The following KHDRBS2 variants were observed in gnomAD, a reference collection of about 807,000 sequenced individuals.
KHDRBS2 encodes the protein KH RNA binding domain containing, signal transduction associated 2.
KHDRBS2 carries 26 observed loss-of-function variants against 44.3 expected under a neutral mutation model. The observed-to-expected ratio is 0.59, with a 90% CI of 0.43 to 0.81. The LOEUF (loss-of-function observed/expected upper bound fraction) is 0.81. KHDRBS2 is among the 40% of genes least tolerant of loss of function. KHDRBS2 has a pLI of 0.00. For synonymous variants in KHDRBS2, 194 were observed against 151.1 expected, an observed-to-expected ratio of 1.28 and a Z score of -2.08; for missense variants, 476 against 433.1, an observed-to-expected ratio of 1.10 and a Z score of -0.88.
chr6:62,255,644 A>G, intron 1 of KHDRBS2, among the ~76,000 whole-genome samples: 1 of 132,316 alleles, frequency 7.6e-6, no homozygotes, highest in Non-Finnish European at 1.8e-5. Flanking sequence ...ACACACACAC[A>G]CACACACACA....
intron 2 of KHDRBS2, among the ~76,000 whole-genome samples, chr6:62,118,990 T>C (rs1806961947): frequency 1.3e-5 from 2 of 152,180 alleles, no homozygotes; most frequent in Non-Finnish European, 2.9e-5. Flanking sequence ...CTTCCCTTCA[T>C]AGATCCATCT....
chr6:61,625,072 G>T, the KHDRBS2 span, among the ~76,000 whole-genome samples: 2 of 152,022 alleles, frequency 1.3e-5, no homozygotes, highest in East Asian at 1.9e-4. Context: ...AGAGAGGTAT[G>T]CGTGTGGAAT....
intron 6 of KHDRBS2, among the ~76,000 whole-genome samples, chr6:61,848,389 T>A (rs1794725059): frequency 6.9e-6 from 1 of 144,466 alleles, no homozygotes; most frequent in Non-Finnish European, 1.5e-5. Flanking sequence ...TGTCCAACAC[T>A]AAGATGTATA....
intron 4 of KHDRBS2, among the ~76,000 whole-genome samples, chr6:61,962,159 T>A (rs1196848337): frequency 6.6e-6 from 1 of 151,988 alleles, no homozygotes. Flanking sequence ...GCTGAGTGGG[T>A]TTATAATCTC....
intron 3 of KHDRBS2, among the ~76,000 whole-genome samples, chr6:61,996,020 A>G (rs1777098934): frequency 6.6e-6 from 1 of 152,192 alleles, no homozygotes; most frequent in Non-Finnish European, 1.5e-5. Flanking sequence ...AACACTGGTG[A>G]AAAAGGAAAA....
chr6:62,240,648 GTA>G (rs1260151833), intron 1 of KHDRBS2, among the ~76,000 whole-genome samples: 8 of 91,892 alleles, frequency 8.7e-5, no homozygotes, highest in Admixed American at 3.2e-4. Context: ...ATGTGTGTGT[GTA>G]TGTGTGTATG....
intron 3 of KHDRBS2, among the ~76,000 whole-genome samples, chr6:62,039,470 A>T (rs1786014478): frequency 6.6e-6 from 1 of 152,000 alleles, no homozygotes; most frequent in Admixed American, 6.6e-5. Flanking sequence ...TTAATAGTAT[A>T]CAAATATATA....
chr6:61,862,759 AATG>A (rs1258266189), intron 6 of KHDRBS2, among the ~76,000 whole-genome samples: 6 of 152,162 alleles, frequency 3.9e-5, no homozygotes, highest in Non-Finnish European at 8.8e-5. Flanking sequence ...GATGTTCATC[AATG>A]ATATCGGTCT....
intron 4 of KHDRBS2, among the ~76,000 whole-genome samples, chr6:61,973,296 C>T (rs1771821101): frequency 1.3e-5 from 2 of 152,056 alleles, no homozygotes; most frequent in Admixed American, 6.6e-5. Flanking sequence ...AATTCTGCTT[C>T]CCTTTTCTAT....
intron 2 of KHDRBS2, among the ~76,000 whole-genome samples, chr6:62,176,745 G>C (rs150079751): frequency 6.6e-6 from 1 of 151,174 alleles, no homozygotes; most frequent in Non-Finnish European, 1.5e-5. Flanking sequence ...TATAATCTAA[G>C]AGTCTAATAA....
At position 62,121,666 on chromosome 6, in the gene KHDRBS2, G is replaced by A. The variant is rs1807678608; in HGVS notation, c.219+55519C>T. Among the ~76,000 whole-genome samples the A allele has an allele frequency of 2.0e-5, 3 of 152,294 alleles. No individual in the cohort carries two copies. In the South Asian group the frequency reaches 6.2e-4, roughly 32 times the overall value. On this transcript the variant is annotated intron_variant, in intron 2 of 8. Transcript: ENST00000281156. Reference sequence around the variant, plus strand: ...GCCTCAGGGGTATATCATCTCCCCGGCTTTGTGCCAGAATCTTGTTTGCAG... The same window carrying A: ...GCCTCAGGGGTATATCATCTCCCCGACTTTGTGCCAGAATCTTGTTTGCAG...
At chr6:61,935,071 G>T (rs1482551428) in intron 4 of KHDRBS2, among the ~76,000 whole-genome samples, 1 of 152,160 alleles carries the variant, frequency 6.6e-6, no homozygotes, top group Non-Finnish European at 1.5e-5. Context: ...TGTGGATGAA[G>T]GGGAGTCAAA....
intron 6 of KHDRBS2, 122 bp from the exon 7 acceptor site, chr6:61,732,886 T>C (rs1296037544): frequency 1.5e-6 from 1 of 645,866 alleles, no homozygotes; most frequent in African/African-American, 1.8e-5. Flanking sequence ...TAAGTATCCA[T>C]ATATCACATT....
intron 2 of KHDRBS2, among the ~76,000 whole-genome samples, chr6:62,099,147 C>A (rs1240032020): frequency 6.6e-6 from 1 of 152,038 alleles, no homozygotes; most frequent in Non-Finnish European, 1.5e-5. Flanking sequence ...GTATCCGGTA[C>A]CTTATTAGGT....
the KHDRBS2 span, among the ~76,000 whole-genome samples, chr6:61,565,438 G>T: frequency 6.6e-6 from 1 of 151,740 alleles, no homozygotes; most frequent in Non-Finnish European, 1.5e-5. Context: ...TAAAAACCAG[G>T]ATATAAAAGC....
chr6:62,100,098 C>CA (rs1269146420), intron 2 of KHDRBS2, among the ~76,000 whole-genome samples: 3 of 152,000 alleles, frequency 2.0e-5, no homozygotes, highest in Non-Finnish European at 2.9e-5. Context: ...TCAACATCAA[C>CA]AGGAGTTTCA....
the KHDRBS2 span, among the ~76,000 whole-genome samples, chr6:61,574,868 AT>A: frequency 6.6e-6 from 1 of 152,160 alleles, no homozygotes; most frequent in Non-Finnish European, 1.5e-5. Context: ...AGATCATGCC[AT>A]TGCACTCCAG....
At chr6:61,627,864 A>G in the KHDRBS2 span, among the ~76,000 whole-genome samples, 1 of 152,106 alleles carries the variant, frequency 6.6e-6, no homozygotes, top group Non-Finnish European at 1.5e-5. Context: ...TGTTCTAGTG[A>G]ATTTTCAAAC....
At chr6:62,043,233 C>T (rs1354551036) in intron 3 of KHDRBS2, among the ~76,000 whole-genome samples, 4 of 152,030 alleles carry the variant, frequency 2.6e-5, no homozygotes, top group Non-Finnish European at 4.4e-5. Flanking sequence ...GCCATCAACA[C>T]CCCCCAAAAT....
Sources: gnomAD v4.1 joint callset for allele counts (sites outside exome capture counted in the v4.1 genomes callset) on GRCh38, gnomAD v4.1.1 for gene constraint, MANE v1.5 for transcripts, NCBI Gene and HGNC (gene_info 2026-07-23, HGNC 2026-07-21) for gene names.